Variants in GRID2 observed in about 807,000 individuals in gnomAD.
GRID2 encodes the protein glutamate ionotropic receptor delta type subunit 2.
In GRID2, 33 loss-of-function variants were observed where a neutral mutation model predicts 114.8. The ratio of observed to expected loss-of-function variants is 0.29; its 90% CI spans 0.22 to 0.38. The LOEUF is 0.38. Ranked by LOEUF, GRID2 falls within the 10% of genes least tolerant of loss-of-function variation. The pLI is 1.00. For missense variants in GRID2, 1,184 were observed against 1,257.7 expected (o/e 0.94, Z 0.89); for synonymous variants, 505 against 449.9 (o/e 1.12, Z -1.55).
chr4:92,959,604 C>A (rs1395279580), intron 2 of GRID2, among the ~76,000 whole-genome samples: 2 of 151,966 alleles, frequency 1.3e-5, no homozygotes, highest in Non-Finnish European at 2.9e-5. Context: ...TGGAACCAAC[C>A]CAAATGCCCA....
chr4:93,508,719 A>T (rs1031448514), intron 12 of GRID2, among the ~76,000 whole-genome samples: 1 of 152,188 alleles, frequency 6.6e-6, no homozygotes, highest in Non-Finnish European at 1.5e-5. Flanking sequence ...TGGATTTCAA[A>T]GATGAAGTTT....
chr4:93,677,494 C>A (rs1376362019), intron 14 of GRID2, among the ~76,000 whole-genome samples: 1 of 152,126 alleles, frequency 6.6e-6, no homozygotes, highest in Non-Finnish European at 1.5e-5. Flanking sequence ...GGTCCCTGAC[C>A]CCTGACCCCC....
At chr4:93,487,807 A>G (rs900730736) in intron 11 of GRID2, among the ~76,000 whole-genome samples, 2 of 151,840 alleles carry the variant, frequency 1.3e-5, no homozygotes, top group Non-Finnish European at 2.9e-5. Context: ...AAAACACATT[A>G]TGTATTCAAT....
intron 2 of GRID2, among the ~76,000 whole-genome samples, chr4:92,853,930 C>T (rs1203416318): frequency 1.3e-5 from 2 of 151,308 alleles, no homozygotes; most frequent in African/African-American, 4.9e-5. Flanking sequence ...GTGCACCAAA[C>T]CTTAGCATCA....
intron 2 of GRID2, among the ~76,000 whole-genome samples, chr4:92,977,567 A>G (rs1219677333): frequency 6.6e-6 from 1 of 152,172 alleles, no homozygotes; most frequent in Non-Finnish European, 1.5e-5. Context: ...AAAGATCTTT[A>G]AGCATACATT....
At chr4:93,456,436 T>C (rs994090833) in intron 11 of GRID2, among the ~76,000 whole-genome samples, 1 of 152,212 alleles carries the variant, frequency 6.6e-6, no homozygotes, top group African/African-American at 2.4e-5. Context: ...TTTGGTTAAT[T>C]TGAGACTGAT....
intron 4 of GRID2, among the ~76,000 whole-genome samples, chr4:93,158,372 G>T (rs190213159): frequency 6.6e-6 from 1 of 151,726 alleles, no homozygotes; most frequent in Admixed American, 6.6e-5. Flanking sequence ...GCCTCCAATA[G>T]TACCATTATC....
rs1430637320 is a variant in GRID2 at position 92,588,604 on chromosome 4, G to A, written c.89-1527G>A. Among the ~76,000 whole-genome samples the A allele has an allele frequency of 2.0e-5, 3 of 148,900 alleles. No individual in the cohort carries two copies. In the East Asian group the frequency reaches 6.0e-4, roughly 30 times the overall value. On this transcript the variant is annotated intron_variant, in intron 1 of 15. Transcript: ENST00000282020. ...TGAGGCAGGAGAATGGGGTGAACCC[G>A]GGAGGCGGAGCTTGCTGTGAGCCGA...
chr4:92,549,418 A>G (rs1560705188), intron 1 of GRID2, among the ~76,000 whole-genome samples: 3 of 152,096 alleles, frequency 2.0e-5, no homozygotes, highest in African/African-American at 7.2e-5. Context: ...CATTTTTGTC[A>G]TTCTTCACTC....
rs936538512 is a variant in GRID2 at position 93,024,330 on chromosome 4, T to C, written c.245-60665T>C. On this transcript the variant is annotated intron_variant, in intron 2 of 15. Transcript: ENST00000282020. The stretch of plus-strand genomic sequence containing the variant: ...ATAGATTTTAATGTTAGGAATAATA[T>C]TGATTCTCAGAAGTTGTAGGAATAG... Among the ~76,000 whole-genome samples, 73 of 151,872 alleles carry C rather than the reference T, an allele frequency of 4.8e-4. 1 individual carries two copies. The highest frequency in any genetic ancestry group is 1.7e-3 in the African/African-American group (69 of 41,538).
At chr4:92,658,392 T>C (rs1452182979) in intron 2 of GRID2, among the ~76,000 whole-genome samples, 1 of 151,664 alleles carries the variant, frequency 6.6e-6, no homozygotes, top group Non-Finnish European at 1.5e-5. Context: ...AGAAAGTGAG[T>C]GTGTCTACTG....
intron 8 of GRID2, among the ~76,000 whole-genome samples, chr4:93,265,630 A>G (rs1205945623): frequency 6.6e-6 from 1 of 152,224 alleles, no homozygotes; most frequent in Non-Finnish European, 1.5e-5. Context: ...CTAACATGAA[A>G]CATTGAAATA....
intron 1 of GRID2, among the ~76,000 whole-genome samples, chr4:92,311,571 T>G (rs1051199305): frequency 6.6e-6 from 1 of 152,114 alleles, no homozygotes; most frequent in African/African-American, 2.4e-5. Context: ...GCATATGTTT[T>G]TCTTTAAACT....
intron 2 of GRID2, among the ~76,000 whole-genome samples, chr4:92,593,473 A>T (rs1040760996): frequency 5.3e-5 from 8 of 151,966 alleles, no homozygotes; most frequent in African/African-American, 1.7e-4. Flanking sequence ...GGTGTTTTGG[A>T]AATCTTCCTT....
At chr4:92,407,434 C>G (rs1227505722) in intron 1 of GRID2, among the ~76,000 whole-genome samples, 3 of 152,100 alleles carry the variant, frequency 2.0e-5, no homozygotes, top group African/African-American at 7.2e-5. Flanking sequence ...TTATTTTTCT[C>G]TGGGTATATA....
chr4:92,584,472 A>C (rs1384522619), intron 1 of GRID2, among the ~76,000 whole-genome samples: 1 of 151,968 alleles, frequency 6.6e-6, no homozygotes, highest in Non-Finnish European at 1.5e-5. Flanking sequence ...TGTAAATCCT[A>C]CTGTGACTAA....
intron 4 of GRID2, among the ~76,000 whole-genome samples, chr4:93,128,024 C>CAAAAAAAA (rs1175904517): frequency 5.3e-5 from 1 of 19,004 alleles, no homozygotes; most frequent in Non-Finnish European, 9.3e-5. Context: ...TTGTCCCCCG[C>CAAAAAAAA]AACAAAAAAA....
chr4:93,037,738 T>C (rs1725057764), intron 2 of GRID2, among the ~76,000 whole-genome samples: 1 of 152,196 alleles, frequency 6.6e-6, no homozygotes, highest in Non-Finnish European at 1.5e-5. Context: ...TTGTCAAAGA[T>C]CAGATGGTTG....
chr4:93,456,800 A>G (rs1373618405), intron 11 of GRID2, among the ~76,000 whole-genome samples: 4 of 152,038 alleles, frequency 2.6e-5, no homozygotes, highest in Non-Finnish European at 4.4e-5. Context: ...TTTTATTCCT[A>G]TTTTCTCTTG....
Sources: allele counts gnomAD v4.1 joint callset (sites outside exome capture counted in the v4.1 genomes callset), GRCh38; gene constraint gnomAD v4.1.1; transcripts MANE v1.5; gene names NCBI Gene and HGNC (gene_info 2026-07-23, HGNC 2026-07-21).